PDE4DIP: variants seen among roughly 807,000 people sequenced by gnomAD.
PDE4DIP encodes myomegalin.
PDE4DIP carries 59 observed loss-of-function variants against 221.4 expected under a neutral mutation model. The observed-to-expected ratio is 0.27, with a 90% confidence interval of 0.22 to 0.33. PDE4DIP has a LOEUF of 0.33. PDE4DIP is among the 10% of genes least tolerant of loss of function. The pLI, the probability that PDE4DIP is intolerant of heterozygous loss-of-function variation, is 1.00. For synonymous variants in PDE4DIP, 404 were observed against 815.9 expected (o/e 0.50, Z 8.60); for missense variants, 1,036 against 2,154.2 (o/e 0.48, Z 10.28).
At chr1:149,000,073 A>C (rs1344748850) in intron 23 of PDE4DIP, among the ~76,000 whole-genome samples, 1 of 151,996 alleles carries the variant, frequency 6.6e-6, no homozygotes, top group Non-Finnish European at 1.5e-5. Context: ...TATCTCACAG[A>C]TTGTCTGTAT....
At chr1:148,992,110 G>A (rs1229887634) in intron 22 of PDE4DIP, 137 bp downstream of exon 25, 4 of 995,622 alleles carry the variant, frequency 4.0e-6, no homozygotes, top group Admixed American at 1.9e-5. Context: ...TCATCTTCCT[G>A]TTCTCCTTGA....
At chr1:148,982,368 T>C (rs2061267501) in intron 21 of PDE4DIP, 1 of 152,226 alleles carries the variant, frequency 6.6e-6, no homozygotes, top group South Asian at 2.1e-4. Flanking sequence ...TGGCACTAGA[T>C]AGGGTCCTAT....
chr1:148,974,968 C>T (rs368314386), intron 17 of PDE4DIP, among the ~76,000 whole-genome samples: 4 of 87,614 alleles, frequency 4.6e-5, no homozygotes, highest in South Asian at 5.5e-4. Flanking sequence ...AACAGGAGTT[C>T]GAGACCAGCC....
chr1:148,998,197 T>C (rs1553568207), exon 23 of PDE4DIP: 13 of 1,494,362 alleles, frequency 8.7e-6, no homozygotes, highest in Admixed American at 1.7e-5. Flanking sequence ...CCAGAACCCA[T>C]CTTTTTCCCC....
At chr1:148,881,521 AC>A (rs1693648126) in intron 3 of PDE4DIP, among the ~76,000 whole-genome samples, 6 of 138,276 alleles carry the variant, frequency 4.3e-5, no homozygotes, top group Admixed American at 2.8e-4. Flanking sequence ...TCTTTGTTTA[AC>A]CCTTTGAGAG....
At chr1:148,944,130 A>G (rs1196596462) in intron 5 of PDE4DIP, among the ~76,000 whole-genome samples, 1 of 152,258 alleles carries the variant, frequency 6.6e-6, no homozygotes, top group East Asian at 1.9e-4. Flanking sequence ...AGAACGCAGT[A>G]TGGAGAAATG....
exon 44 of PDE4DIP, chr1:149,032,019 G>A (rs377246144): frequency 1.2e-6 from 2 of 1,611,160 alleles, no homozygotes; most frequent in Admixed American, 1.7e-5. Flanking sequence ...AAGAAGCGCA[G>A]CCACCAGAAG....
In PDE4DIP at chr1:149,028,708, G is replaced by C; in HGVS notation, c.6813+5G>C. 6.5e-7 allele frequency: 1 copy of C among 1,537,408 alleles called. No individual in the cohort carries two copies. The highest frequency in any genetic ancestry group is 8.9e-7 in the Non-Finnish European group (1 of 1,120,082). ...CCTGTGCTGCCTGGCAAAGTGGTAA[G>C]ATGCCAGTGCCCTTTCTTGGTTCAA... On this transcript the variant is annotated splice_donor_5th_base_variant and intron_variant, in intron 41 of 43. Coordinates refer to ENST00000369354, the Ensembl canonical transcript of PDE4DIP.
chr1:148,960,658 T>C (rs782548052), exon 6 of PDE4DIP: 1 of 447,226 alleles, frequency 2.2e-6, no homozygotes, highest in Non-Finnish European at 3.8e-6. Flanking sequence ...TCCTAGCCCA[T>C]GACTGAAGAG....
intron 23 of PDE4DIP, among the ~76,000 whole-genome samples, chr1:149,001,100 C>G (rs1553575186): frequency 6.6e-6 from 1 of 152,270 alleles, no homozygotes; most frequent in African/African-American, 2.4e-5. Context: ...AAACAATTAT[C>G]TAAGTACATT....
chr1:148,973,520 G>T (rs1356861774), intron 16 of PDE4DIP, among the ~76,000 whole-genome samples: 32 of 152,084 alleles, frequency 2.1e-4, no homozygotes, highest in Non-Finnish European at 5.9e-5. Context: ...ATTTGATACT[G>T]ATTTCCTTAA....
intron 1 of PDE4DIP, among the ~76,000 whole-genome samples, chr1:148,823,455 C>A (rs1553362776): frequency 6.7e-6 from 1 of 148,658 alleles, no homozygotes; most frequent in Non-Finnish European, 1.5e-5. Flanking sequence ...AGGCTGGGTT[C>A]ACTGCCCAGA....
At chr1:148,990,014 AGTGGTAGAG>A (rs1262202330) in intron 21 of PDE4DIP, among the ~76,000 whole-genome samples, 1 of 152,148 alleles carries the variant, frequency 6.6e-6, no homozygotes, top group Non-Finnish European at 1.5e-5. Flanking sequence ...AAAGATGCTA[AGTGGTAGAG>A]GTGGTAGAGG....
At chr1:148,940,387 T>C (rs1434516669) in intron 5 of PDE4DIP, among the ~76,000 whole-genome samples, 2 of 152,226 alleles carry the variant, frequency 1.3e-5, no homozygotes, top group African/African-American at 4.8e-5. Context: ...CTAATAAAAA[T>C]TTATTGTTGT....
chr1:148,965,298 C>A (rs587662235), intron 9 of PDE4DIP, among the ~76,000 whole-genome samples, 186 bp from the exon 13 acceptor site: 1 of 151,292 alleles, frequency 6.6e-6, no homozygotes, highest in Non-Finnish European at 1.5e-5. Context: ...ACTTCCTACC[C>A]CATTCACAAC....
At chr1:148,947,999 A>C (rs1298552506) in intron 5 of PDE4DIP, among the ~76,000 whole-genome samples, 1 of 151,060 alleles carries the variant, frequency 6.6e-6, no homozygotes, top group Admixed American at 6.6e-5. Flanking sequence ...CCAACAATTT[A>C]TGTTAACAAG....
chr1:148,986,227 C>T (rs782482561), intron 21 of PDE4DIP: 2 of 152,224 alleles, frequency 1.3e-5, no homozygotes, highest in Admixed American at 6.5e-5. Context: ...TGGTTCATAA[C>T]ATCAGATGAA....
chr1:148,954,508 A>G (rs1489062991), intron 5 of PDE4DIP, among the ~76,000 whole-genome samples: 53 of 152,130 alleles, frequency 3.5e-4, no homozygotes, highest in African/African-American at 1.2e-3. Context: ...TGACTCATTC[A>G]TAAAAGAGAC....
At chr1:149,024,830 A>G in intron 38 of PDE4DIP, 146 bp downstream of exon 41, 1 of 623,814 alleles carries the variant, frequency 1.6e-6, no homozygotes, top group Non-Finnish European at 2.6e-6. Context: ...CCTGAGTGAA[A>G]GCGTGGGATT....
Sources: gnomAD v4.1 joint callset for allele counts (sites outside exome capture counted in the v4.1 genomes callset) on GRCh38, gnomAD v4.1.1 for gene constraint, MANE v1.5 for transcripts, NCBI Gene and HGNC (gene_info 2026-07-23, HGNC 2026-07-21) for gene names.